The following IL1RAPL1 variants were observed in gnomAD, a reference collection of about 807,000 sequenced individuals.
The protein encoded by IL1RAPL1 is interleukin 1 receptor accessory protein like 1.
A neutral mutation model predicts 48.4 loss-of-function variants in IL1RAPL1; 3 were observed. That is an observed-to-expected ratio of 0.06 (90% CI 0.03 to 0.16). IL1RAPL1 has a LOEUF of 0.16. Ranked by LOEUF, IL1RAPL1 falls within the 10% of genes least tolerant of loss-of-function variation. IL1RAPL1 has a pLI of 1.00. For missense variants in IL1RAPL1, 349 were observed against 530.6 expected, an observed-to-expected ratio of 0.66 and a Z score of 3.36; for synonymous variants, 185 against 187.7, an observed-to-expected ratio of 0.99 and a Z score of 0.12.
chrX:29,403,780 C>T (rs895369355), intron 5 of IL1RAPL1, among the ~76,000 whole-genome samples: 2 of 111,883 alleles, frequency 1.8e-5, no homozygotes, highest in Non-Finnish European at 3.8e-5. Context: ...AACTGGTTCT[C>T]ACCATCTGCC....
At chrX:29,874,625 C>A (rs1569190983) in intron 6 of IL1RAPL1, among the ~76,000 whole-genome samples, 2 of 112,414 alleles carry the variant, frequency 1.8e-5, no homozygotes, top group South Asian at 7.3e-4. Flanking sequence ...GATAAAGGCA[C>A]TTATATATGA....
intron 1 of IL1RAPL1, among the ~76,000 whole-genome samples, chrX:28,604,167 A>G (rs1027573789): frequency 8.9e-6 from 1 of 111,863 alleles, no homozygotes; most frequent in South Asian, 3.7e-4. Context: ...TTCCCTATAT[A>G]TAAGTATCCA....
intron 5 of IL1RAPL1, among the ~76,000 whole-genome samples, chrX:29,609,511 T>G (rs1924023282): frequency 8.9e-6 from 1 of 112,043 alleles, no homozygotes; most frequent in Non-Finnish European, 1.9e-5. Flanking sequence ...TTTGTGTGTC[T>G]TGGCTCAAGT....
intron 5 of IL1RAPL1, among the ~76,000 whole-genome samples, chrX:29,424,558 G>A (rs1035084456): frequency 9.0e-6 from 1 of 111,641 alleles, no homozygotes; most frequent in Admixed American, 9.6e-5. Flanking sequence ...GGGCAAAACA[G>A]TTCATAATTA....
At position 29,928,573 on chromosome X, in the gene IL1RAPL1, A is replaced by G. The variant is rs898137005; in HGVS notation, c.1057+8479A>G. On this transcript the variant is annotated intron_variant, in intron 8 of 10. Transcript: ENST00000378993. ...GCGACAAATCATTCTAATTCAACAAATATGTATTGAGTGCCAGCTATGGGC... is the reference window on the plus strand; with the variant it reads ...GCGACAAATCATTCTAATTCAACAAGTATGTATTGAGTGCCAGCTATGGGC... Among the ~76,000 whole-genome samples the G allele has an allele frequency of 5.4e-5, 6 of 112,112 alleles. No homozygotes were observed. In the Admixed American group the frequency reaches 5.7e-4, roughly 11 times the overall value.
At chrX:28,857,144 A>G (rs762508554) in intron 2 of IL1RAPL1, among the ~76,000 whole-genome samples, 3 of 112,298 alleles carry the variant, frequency 2.7e-5, no homozygotes, top group African/African-American at 9.7e-5. Flanking sequence ...ATCCAGAGCA[A>G]GATCCTAAGT....
chrX:29,362,356 T>A (rs1439616393), intron 3 of IL1RAPL1, among the ~76,000 whole-genome samples: 1 of 111,746 alleles, frequency 8.9e-6, no homozygotes, highest in East Asian at 2.8e-4. Context: ...AATAAATGAG[T>A]CAATGCAAAG....
intron 2 of IL1RAPL1, among the ~76,000 whole-genome samples, chrX:29,199,441 A>G (rs1930510700): frequency 9.0e-6 from 1 of 111,713 alleles, no homozygotes; most frequent in South Asian, 3.8e-4. Flanking sequence ...ATAATAAAGT[A>G]TACTGTAGAT....
At chrX:29,676,555 TC>T (rs1410191492) in intron 6 of IL1RAPL1, among the ~76,000 whole-genome samples, 1 of 111,712 alleles carries the variant, frequency 9.0e-6, no homozygotes, top group Non-Finnish European at 1.9e-5. Context: ...ATTCATCAAG[TC>T]TAGCCAAATG....
chrX:29,944,364 C>T (rs978756954), intron 9 of IL1RAPL1, among the ~76,000 whole-genome samples: 2 of 111,393 alleles, frequency 1.8e-5, no homozygotes, highest in African/African-American at 6.6e-5. Flanking sequence ...TCGTATCTCC[C>T]GCTGCATCAC....
At chrX:28,904,962 G>C (rs1923179614) in intron 2 of IL1RAPL1, among the ~76,000 whole-genome samples, 1 of 111,551 alleles carries the variant, frequency 9.0e-6, no homozygotes, top group Non-Finnish European at 1.9e-5. Context: ...TCAATAATTA[G>C]AGACTTTCAT....
chrX:29,238,159 A>C (rs1602128642), intron 2 of IL1RAPL1, among the ~76,000 whole-genome samples: 1 of 111,778 alleles, frequency 8.9e-6, no homozygotes, highest in East Asian at 2.8e-4. Flanking sequence ...AGAAAGACCT[A>C]CACACCTGCT....
intron 5 of IL1RAPL1, among the ~76,000 whole-genome samples, chrX:29,433,825 T>A (rs1231792286): frequency 9.1e-6 from 1 of 109,406 alleles, no homozygotes; most frequent in East Asian, 2.8e-4. Flanking sequence ...CTTTTTGTCA[T>A]TTTTTTTTAC....
chrX:29,060,345 A>C (rs1010185084), intron 2 of IL1RAPL1, among the ~76,000 whole-genome samples: 5 of 111,733 alleles, frequency 4.5e-5, no homozygotes, highest in African/African-American at 1.6e-4. Context: ...TAAGTTGTCT[A>C]ATTCGACTGA....
chrX:29,024,258 A>T (rs755186431), intron 2 of IL1RAPL1, among the ~76,000 whole-genome samples: 2 of 111,781 alleles, frequency 1.8e-5, no homozygotes, highest in Non-Finnish European at 3.8e-5. Context: ...ACTTTGAAAG[A>T]TGTCCGGTGT....
chrX:29,887,617 C>A (rs1431835709), intron 6 of IL1RAPL1, among the ~76,000 whole-genome samples: 1 of 111,480 alleles, frequency 9.0e-6, no homozygotes, highest in Non-Finnish European at 1.9e-5. Flanking sequence ...ATTTAACAGA[C>A]TTTGTATAAC....
chrX:29,436,900 A>G (rs1411082051), intron 5 of IL1RAPL1, among the ~76,000 whole-genome samples: 1 of 110,334 alleles, frequency 9.1e-6, no homozygotes, highest in Non-Finnish European at 1.9e-5. Flanking sequence ...GTGTGTTACA[A>G]TTTTTTGGAG....
chrX:29,779,905 A>C (rs896852298), intron 6 of IL1RAPL1, among the ~76,000 whole-genome samples: 4 of 111,450 alleles, frequency 3.6e-5, no homozygotes, highest in Admixed American at 1.9e-4. Flanking sequence ...GCATTACTGA[A>C]TATTAGATGA....
At chrX:29,654,106 G>GT (rs762830958) in intron 5 of IL1RAPL1, among the ~76,000 whole-genome samples, 16 of 108,847 alleles carry the variant, frequency 1.5e-4, no homozygotes, top group Admixed American at 7.9e-4. Flanking sequence ...TTATCTGGAG[G>GT]TTTTTTTTAA....
Sources: allele counts gnomAD v4.1 joint callset (sites outside exome capture counted in the v4.1 genomes callset), GRCh38; gene constraint gnomAD v4.1.1; transcripts MANE v1.5; gene names NCBI Gene and HGNC (gene_info 2026-07-23, HGNC 2026-07-21).